APBB2: variants seen among roughly 807,000 people sequenced by gnomAD.
The protein encoded by APBB2 is Fe65-like 1.
A neutral mutation model predicts 82.5 loss-of-function variants in APBB2; 38 were observed. The ratio of observed to expected loss-of-function variants is 0.46; its 90% CI spans 0.36 to 0.60. The LOEUF is 0.60. Among genes scored for constraint, APBB2 ranks in the 20% least tolerant of loss-of-function variants. The pLI, the probability that APBB2 is intolerant of heterozygous loss-of-function variation, is 0.00. For missense variants in APBB2, 772 were observed against 972.3 expected, an observed-to-expected ratio of 0.79 and a Z score of 2.74; for synonymous variants, 341 against 368.2, an observed-to-expected ratio of 0.93 and a Z score of 0.85.
chr4:41,163,407 A>G (rs1765683910), intron 1 of APBB2, among the ~76,000 whole-genome samples: 2 of 152,242 alleles, frequency 1.3e-5, no homozygotes, highest in African/African-American at 2.4e-5. Flanking sequence ...CACTAGGTCA[A>G]CAAGAATGAC....
intron 5 of APBB2, among the ~76,000 whole-genome samples, chr4:41,025,944 C>CAAAAAAAAAA (rs71198626): frequency 8.4e-4 from 57 of 67,836 alleles, no homozygotes; most frequent in East Asian, 1.7e-3. Context: ...TCCATCTCCA[C>CAAAAAAAAAA]AAAAAAAAAA....
intron 1 of APBB2, among the ~76,000 whole-genome samples, chr4:41,173,130 T>C (rs1006070372): frequency 6.6e-6 from 1 of 152,246 alleles, no homozygotes; most frequent in Non-Finnish European, 1.5e-5. Context: ...AAAGTTCAAC[T>C]GTAGCTAAAA....
rs140378629 is a variant in APBB2 at position 40,824,084 on chromosome 4, G to A, written c.1817-325C>T. Among the ~76,000 whole-genome samples, 110 of 152,066 alleles carry A rather than the reference G, an allele frequency of 7.2e-4. 1 individual carries two copies. The East Asian group carries it at 0.018, about 24-fold the overall frequency. ...ACATGCTTGCTTGAACCCAGGAGGCGGAGGCTGCAGTGAGCTGAGATCGCA... is the reference window on the plus strand; with the variant it reads ...ACATGCTTGCTTGAACCCAGGAGGCAGAGGCTGCAGTGAGCTGAGATCGCA... On this transcript the variant is annotated intron_variant, in intron 15 of 17. Coordinates refer to ENST00000508593, the MANE Select transcript of APBB2 (RefSeq NM_004307.2).
intron 2 of APBB2, among the ~76,000 whole-genome samples, chr4:41,111,850 A>T (rs558358194): frequency 2.0e-4 from 30 of 152,362 alleles, no homozygotes; most frequent in Non-Finnish European, 4.1e-4. Context: ...AGCAGTCGCC[A>T]TTACAAGTAT....
intron 2 of APBB2, among the ~76,000 whole-genome samples, chr4:41,137,123 T>C (rs1023123640): frequency 2.0e-5 from 3 of 152,162 alleles, no homozygotes; most frequent in Non-Finnish European, 4.4e-5. Context: ...ATAAAACATA[T>C]ACAACTACAC....
intron 3 of APBB2, among the ~76,000 whole-genome samples, chr4:41,099,147 C>T (rs1744508650): frequency 6.6e-6 from 1 of 152,246 alleles, no homozygotes; most frequent in South Asian, 2.1e-4. Flanking sequence ...AGAGACTTGA[C>T]ATCCCTCAGA....
chr4:40,893,061 A>T, intron 11 of APBB2: 1 of 493,022 alleles, frequency 2.0e-6, no homozygotes. Context: ...CTCTCTCTCC[A>T]GGCCCCAGTC....
At chr4:40,956,474 G>C (rs370982560) in intron 6 of APBB2, among the ~76,000 whole-genome samples, 108 of 152,296 alleles carry the variant, frequency 7.1e-4, no homozygotes, top group African/African-American at 2.5e-3. Flanking sequence ...CCTGCCTGAA[G>C]AGTTTCAAGG....
At chr4:40,904,291 C>T (rs1220875082) in intron 10 of APBB2, among the ~76,000 whole-genome samples, 1 of 151,976 alleles carries the variant, frequency 6.6e-6, no homozygotes, top group Non-Finnish European at 1.5e-5. Context: ...ATTAGCCGGG[C>T]GTGGTGGCAC....
chr4:41,048,557 G>A (rs1188822594), intron 4 of APBB2, among the ~76,000 whole-genome samples: 1 of 152,114 alleles, frequency 6.6e-6, no homozygotes, highest in Non-Finnish European at 1.5e-5. Context: ...TATGTAGCAG[G>A]TGGTGAAGCT....
intron 6 of APBB2, among the ~76,000 whole-genome samples, chr4:41,010,846 T>C (rs1331458824): frequency 6.6e-6 from 1 of 152,226 alleles, no homozygotes; most frequent in Non-Finnish European, 1.5e-5. Context: ...AACTATTTAT[T>C]GTGGCAAATT....
chr4:41,071,603 C>T (rs1733908036), intron 3 of APBB2, among the ~76,000 whole-genome samples: 2 of 152,070 alleles, frequency 1.3e-5, no homozygotes, highest in Non-Finnish European at 2.9e-5. Flanking sequence ...ATCGCTTGAA[C>T]CCGGGAGGCA....
chr4:40,936,201 G>T (rs1180575105), intron 7 of APBB2, among the ~76,000 whole-genome samples: 1 of 152,106 alleles, frequency 6.6e-6, no homozygotes, highest in Non-Finnish European at 1.5e-5. Flanking sequence ...ACCACTAAAA[G>T]CAGAAAAAAA....
chr4:41,130,373 T>C (rs1186016199), intron 2 of APBB2, among the ~76,000 whole-genome samples: 1 of 152,176 alleles, frequency 6.6e-6, no homozygotes, highest in Non-Finnish European at 1.5e-5. Context: ...CGTAGATCCA[T>C]TGCTGCCCCT....
chr4:40,814,654 T>G lies in APBB2; in HGVS notation c.*1438A>C, dbSNP rs1027932427. ...TATAATTGGATGTTGTAAATGTTAA[T>G]TTTGACATTAAGAAGAAGTAAACAA... On this transcript the variant is annotated 3_prime_UTR_variant, in exon 18 of 18. Coordinates refer to ENST00000508593, the MANE Select transcript of APBB2 (RefSeq NM_004307.2). The G allele has an allele frequency of 6.6e-6, 1 of 152,266 alleles. No homozygotes were observed. The highest frequency in any genetic ancestry group is 1.5e-5 in the Non-Finnish European group (1 of 68,046). 9.4% of individuals were successfully genotyped at this position (152,266 alleles called of 1,614,324 possible). A position where few individuals can be genotyped will look rare whatever the true frequency, so the allele number is the denominator to read the frequency against.
At chr4:40,818,196 T>G (rs1432897388) in intron 17 of APBB2, among the ~76,000 whole-genome samples, 1 of 152,188 alleles carries the variant, frequency 6.6e-6, no homozygotes, top group Non-Finnish European at 1.5e-5. Context: ...CATGCGGATT[T>G]GAACTAAGAA....
At chr4:41,179,823 G>C (rs1014570712) in intron 1 of APBB2, among the ~76,000 whole-genome samples, 27 of 152,186 alleles carry the variant, frequency 1.8e-4, no homozygotes, top group Admixed American at 1.7e-3. Flanking sequence ...GCATAAAAAA[G>C]AACTACAAAG....
At chr4:41,115,479 A>C (rs147176533) in intron 2 of APBB2, among the ~76,000 whole-genome samples, 62 of 152,362 alleles carry the variant, frequency 4.1e-4, no homozygotes, top group African/African-American at 1.3e-3. Context: ...AATGGGATCT[A>C]ATTAAAACTA....
chr4:40,913,454 A>G (rs1779064618), intron 10 of APBB2, among the ~76,000 whole-genome samples: 1 of 152,224 alleles, frequency 6.6e-6, no homozygotes, highest in South Asian at 2.1e-4. Context: ...AATGCCACTG[A>G]GCCTTGAATA....
Sources: gnomAD v4.1 joint callset for allele counts (sites outside exome capture counted in the v4.1 genomes callset) on GRCh38, gnomAD v4.1.1 for gene constraint, MANE v1.5 for transcripts, NCBI Gene and HGNC (gene_info 2026-07-23, HGNC 2026-07-21) for gene names.